Variants in NFIB observed in about 807,000 individuals in gnomAD.
NFIB encodes the protein nuclear factor 1 B-type.
In NFIB, 11 loss-of-function variants were observed where a neutral mutation model predicts 61.5. That is an observed-to-expected ratio of 0.18 (90% CI 0.11 to 0.30). The LOEUF (loss-of-function observed/expected upper bound fraction) is 0.30, where lower values mean the gene tolerates loss of function less well. Among genes scored for constraint, NFIB ranks in the 10% least tolerant of loss-of-function variants. The pLI is 1.00. For synonymous variants in NFIB, 260 were observed against 216.5 expected (o/e 1.20, Z -1.76); for missense variants, 471 against 608.9 (o/e 0.77, Z 2.38).
At chr9:14,152,789 C>T (rs888291187) in intron 4 of NFIB, among the ~76,000 whole-genome samples, 5 of 150,886 alleles carry the variant, frequency 3.3e-5, no homozygotes, top group African/African-American at 7.3e-5. Flanking sequence ...GCAATAAAAA[C>T]GACAAATATA....
intron 9 of NFIB, 68 bp from the exon 10 acceptor site, chr9:14,113,149 A>G (rs1053968431): frequency 5.7e-6 from 8 of 1,391,524 alleles, no homozygotes; most frequent in East Asian, 2.7e-5. Context: ...CTGTCCATGT[A>G]TAAGAAACCC....
At position 14,272,038 on chromosome 9, in the gene NFIB, T is replaced by C. The variant is rs1050959092; in HGVS notation, c.562+34951A>G. Among the ~76,000 whole-genome samples, 15 of 152,306 alleles carry C rather than the reference T, an allele frequency of 9.8e-5. No individual in the cohort carries two copies. In the South Asian group the frequency reaches 2.9e-3, roughly 29 times the overall value. ...AAGACTAGTATTTTTAAAAGGCAAA[T>C]TCCATCCAGTGGCCATTAAAAAATT... On this transcript the variant is annotated intron_variant, in intron 2 of 10. Coordinates refer to ENST00000380953, the MANE Select transcript of NFIB (RefSeq NM_001190737.2).
At chr9:14,114,596 G>C (rs117462221) in intron 9 of NFIB, among the ~76,000 whole-genome samples, 1 of 152,128 alleles carries the variant, frequency 6.6e-6, no homozygotes, top group East Asian at 1.9e-4. Context: ...TACTCCTTTT[G>C]AATATTTTGT....
At chr9:14,288,488 A>G (rs1235938309) in intron 2 of NFIB, among the ~76,000 whole-genome samples, 1 of 152,090 alleles carries the variant, frequency 6.6e-6, no homozygotes, top group African/African-American at 2.4e-5. Context: ...AACAGTATAT[A>G]TCAATGCCAA....
Position 14,313,893 on chromosome 9 carries a change from T to C in NFIB, c.-382A>G, listed in dbSNP as rs2060411174. ...GTGTAGGGGGTGCGCGAAGGTTCGG[T>C]GTGGGTTGGATTGGGGTGGTGGTTG... On this transcript the variant is annotated 5_prime_UTR_variant, in exon 1 of 11. Transcript: ENST00000380953. The surrounding 1 kb of genome is among the most constrained non-coding windows in gnomAD (Gnocchi z 4.5). The C allele has an allele frequency of 2.8e-6, 3 of 1,056,628 alleles. No individual in the cohort carries two copies. The highest frequency in any genetic ancestry group is 8.5e-5 in the South Asian group (2 of 23,538). 65.5% of individuals were successfully genotyped at this position (1,056,628 alleles called of 1,614,324 possible). A position where few individuals can be genotyped will look rare whatever the true frequency, so the allele number is the denominator to read the frequency against.
the NFIB span, among the ~76,000 whole-genome samples, chr9:14,466,027 G>A: frequency 1.3e-5 from 2 of 152,112 alleles, no homozygotes; most frequent in South Asian, 2.1e-4. Flanking sequence ...AGAGAGAGTC[G>A]AGTCACCAGC....
intron 10 of NFIB, among the ~76,000 whole-genome samples, chr9:14,088,831 T>C (rs2033314352): frequency 6.6e-6 from 1 of 152,160 alleles, no homozygotes; most frequent in Non-Finnish European, 1.5e-5. Flanking sequence ...CGGTGAAAGA[T>C]ATTTCTTTTC....
the NFIB span, among the ~76,000 whole-genome samples, chr9:14,484,834 T>C: frequency 6.6e-6 from 1 of 152,340 alleles, no homozygotes; most frequent in Non-Finnish European, 1.5e-5. Flanking sequence ...CAAGCTGCTA[T>C]AACAAAATAC....
At chr9:14,403,065 C>T (rs182811605), upstream of NFIB, among the ~76,000 whole-genome samples, 246 of 152,268 alleles carry the variant, frequency 1.6e-3, no homozygotes, top group African/African-American at 5.5e-3. Flanking sequence ...TCATTTTGGC[C>T]GACATGTACA....
intron 1 of NFIB, among the ~76,000 whole-genome samples, chr9:14,368,366 AATT>A (rs1173463997): frequency 6.6e-6 from 1 of 152,196 alleles, no homozygotes; most frequent in Non-Finnish European, 1.5e-5. Flanking sequence ...TATGAGTAAA[AATT>A]ACTCCTGAAA....
chr9:14,142,491 A>C (rs1171907884), intron 6 of NFIB, among the ~76,000 whole-genome samples: 1 of 152,158 alleles, frequency 6.6e-6, no homozygotes. Context: ...ACGGAATACA[A>C]CTGGATTTAG....
At position 14,175,167 on chromosome 9, in the gene NFIB, CTTTTTTTTTTT is replaced by C. The variant is rs55765054; in HGVS notation, c.616+4549_616+4559del. 1.2e-4 allele frequency among the ~76,000 whole-genome samples: 15 copies of C among 126,052 alleles called. 1 individual carries two copies. The highest frequency in any genetic ancestry group is 3.9e-4 in the African/African-American group (12 of 30,552). The allele number at this position is 126,052 out of a possible 152,430, so 82.7% of individuals were successfully genotyped here. ...AAAATTTTTATGACTTAAAGAATTT[CTTTTTTTTTTT>C]TTTTTTTTTGAGATGGAGTCTCGCT... is the stretch of plus-strand genomic sequence containing the variant. On this transcript the variant is annotated intron_variant, in intron 3 of 10. Coordinates refer to ENST00000380953, the MANE Select transcript of NFIB (RefSeq NM_001190737.2).
chr9:14,500,189 A>G, the NFIB span, among the ~76,000 whole-genome samples: 1 of 152,136 alleles, frequency 6.6e-6, no homozygotes, highest in Non-Finnish European at 1.5e-5. Flanking sequence ...GAGGTTAGGT[A>G]ACTTGCCTGA....
chr9:14,389,921 T>C (rs900744785), intron 1 of NFIB, among the ~76,000 whole-genome samples: 2 of 152,216 alleles, frequency 1.3e-5, no homozygotes, highest in Non-Finnish European at 2.9e-5. Flanking sequence ...GTGTCATGGA[T>C]AAACATATGA....
At chr9:14,295,232 T>C (rs1286588138) in intron 2 of NFIB, among the ~76,000 whole-genome samples, 1 of 152,196 alleles carries the variant, frequency 6.6e-6, no homozygotes, top group African/African-American at 2.4e-5. Context: ...ATGCAACTGA[T>C]TAAACGGTTT....
chr9:14,519,863 T>TA, the NFIB span, among the ~76,000 whole-genome samples: 1 of 152,204 alleles, frequency 6.6e-6, no homozygotes, highest in African/African-American at 2.4e-5. Flanking sequence ...AGTCTAGCCT[T>TA]AGATGCCTAG....
At chr9:14,119,426 C>A (rs749527323) in intron 8 of NFIB, among the ~76,000 whole-genome samples, 1 of 152,040 alleles carries the variant, frequency 6.6e-6, no homozygotes, top group Non-Finnish European at 1.5e-5. Flanking sequence ...GTCCTGGATG[C>A]GTTGTTATTC....
chr9:14,112,950 G>C (rs1003004244), intron 10 of NFIB, 49 bp downstream of exon 10: 3 of 1,525,672 alleles, frequency 2.0e-6, no homozygotes, highest in East Asian at 4.9e-5. Flanking sequence ...GGAGAAGCAC[G>C]GAAGCGAAAG....
chr9:14,232,851 G>A lies in NFIB; in HGVS notation c.563-53071C>T, dbSNP rs569563646. Among the ~76,000 whole-genome samples the A allele has an allele frequency of 1.8e-4, 28 of 152,216 alleles. No individual in the cohort carries two copies. In the South Asian group the frequency reaches 5.8e-3, roughly 32 times the overall value. On this transcript the variant is annotated intron_variant, in intron 2 of 10. Coordinates refer to ENST00000380953, the MANE Select transcript of NFIB (RefSeq NM_001190737.2). ...TTGTTTTGCCTATGTACTATAGTCT[G>A]TAACTATCCTAGTCTATAATCAAAG...
Sources: gnomAD v4.1 joint callset for allele counts (sites outside exome capture counted in the v4.1 genomes callset) on GRCh38, gnomAD v4.1.1 for gene constraint, Gnocchi (gnomAD v3.1) non-coding constraint, MANE v1.5 for transcripts, NCBI Gene and HGNC (gene_info 2026-07-23, HGNC 2026-07-21) for gene names.